NFIC: variants seen among roughly 807,000 people sequenced by gnomAD.
The protein encoded by NFIC is nuclear factor I C, also known as nuclear factor 1 C-type.
NFIC carries 12 observed loss-of-function variants against 54.4 expected under a neutral mutation model. The observed-to-expected ratio is 0.22, with a 90% CI of 0.14 to 0.36. The LOEUF (loss-of-function observed/expected upper bound fraction) is 0.36. NFIC is among the 10% of genes least tolerant of loss of function. The probability of loss-of-function intolerance (pLI) is 1.00; values close to 1 mark genes in which losing one functional copy is unlikely to be tolerated. For missense variants in NFIC, 575 were observed against 718.2 expected (o/e 0.80, Z 2.28); for synonymous variants, 322 against 319.2 (o/e 1.01, Z -0.09).
At chr19:3,385,143 C>T (rs2081274044) in intron 2 of NFIC, among the ~76,000 whole-genome samples, 1 of 150,456 alleles carries the variant, frequency 6.6e-6, no homozygotes, top group Non-Finnish European at 1.5e-5. Flanking sequence ...CAAGGGAATC[C>T]CTGCTTCAAT....
chr19:3,425,248 C>A, intron 3 of NFIC, 71 bp downstream of exon 3: 3 of 1,497,330 alleles, frequency 2.0e-6, no homozygotes, highest in South Asian at 1.2e-5. Flanking sequence ...ATTTGGGAAT[C>A]ATTTGCTTGG....
Position 3,439,708 on chromosome 19 carries a change from T to G in NFIC, c.958+4501T>G, listed in dbSNP as rs1211265120. On this transcript the variant is annotated intron_variant, in intron 6 of 10. Coordinates refer to ENST00000443272, the MANE Select transcript of NFIC (RefSeq NM_001245002.2). ...GGAAGAATTTTTTTTTTTTTTTTTT[T>G]GTCAGAGTCTTGCTCTGTCGCCCAG... Among the ~76,000 whole-genome samples, 3 of 142,644 alleles carry G rather than the reference T, an allele frequency of 2.1e-5. No individual in the cohort carries two copies. The South Asian group carries it at 6.6e-4, about 31-fold the overall frequency. The allele number at this position is 142,644 out of a possible 152,430, so 93.6% of individuals were successfully genotyped here.
intron 1 of NFIC, among the ~76,000 whole-genome samples, chr19:3,378,154 G>A (rs962299017): frequency 5.3e-5 from 8 of 151,814 alleles, no homozygotes; most frequent in African/African-American, 7.3e-5. Flanking sequence ...CCAGCTACTC[G>A]GGAGGCTGAG....
chr19:3,395,045 C>G (rs556627096), intron 2 of NFIC, among the ~76,000 whole-genome samples: 1 of 152,152 alleles, frequency 6.6e-6, no homozygotes, highest in South Asian at 2.1e-4. Context: ...AGGTTCTAGA[C>G]CTTCCAAACT....
intron 1 of NFIC, among the ~76,000 whole-genome samples, chr19:3,376,982 G>C (rs959276221): frequency 2.0e-5 from 3 of 151,016 alleles, no homozygotes; most frequent in African/African-American, 7.3e-5. Context: ...CACCCACCTC[G>C]GCCTCCCAAA....
chr19:3,429,726 C>T (rs1296580684), intron 3 of NFIC, among the ~76,000 whole-genome samples: 5 of 152,208 alleles, frequency 3.3e-5, no homozygotes, highest in Non-Finnish European at 7.3e-5. Flanking sequence ...ACCCAAAAGC[C>T]AAGAGCCTGT....
upstream of NFIC, among the ~76,000 whole-genome samples, chr19:3,366,288 C>G (rs986880665): frequency 2.7e-5 from 4 of 148,230 alleles, no homozygotes; most frequent in Non-Finnish European, 5.9e-5. Flanking sequence ...CTTTCTCGCT[C>G]GCGCCCTTTT....
In NFIC at chr19:3,454,011, G is replaced by A. The variant is rs76190152; in HGVS notation, c.1423+95G>A. The A allele has an allele frequency of 0.011, 16,169 of 1,407,666 alleles. 1,455 individuals carry two copies. In the African/African-American group the frequency reaches 0.2, roughly 18 times the overall value. 87.2% of individuals were successfully genotyped at this position (1,407,666 alleles called of 1,614,324 possible). On this transcript the variant is annotated intron_variant, in intron 9 of 10. Coordinates refer to ENST00000443272, the MANE Select transcript of NFIC (RefSeq NM_001245002.2). ...CACTGCCAGGTCAGAGGTCAGGCCC[G>A]ACCCTGCAGGGCCTGGCGAGTTTGG...
chr19:3,424,102 G>A (rs2081992091), intron 2 of NFIC, among the ~76,000 whole-genome samples: 2 of 151,434 alleles, frequency 1.3e-5, no homozygotes, highest in South Asian at 4.2e-4. Flanking sequence ...ATCTCCACTT[G>A]CTGCAACCTC....
intron 6 of NFIC, among the ~76,000 whole-genome samples, chr19:3,448,444 GC>G (rs1210788977): frequency 1.3e-5 from 2 of 152,174 alleles, no homozygotes; most frequent in African/African-American, 4.8e-5. Flanking sequence ...GGCTGTGGGG[GC>G]TTTTGTCCCA....
rs2082677786 is a variant in NFIC at position 3,463,846 on chromosome 19, T to G, written c.*1077T>G. 8.1e-6 allele frequency: 8 copies of G among 983,934 alleles called. No individual in the cohort carries two copies. The highest frequency in any genetic ancestry group is 8.4e-6 in the Non-Finnish European group (7 of 829,504). The allele number at this position is 983,934 out of a possible 1,614,324, so 61.0% of individuals were successfully genotyped here. A position where few individuals can be genotyped will look rare whatever the true frequency, so the allele number is the denominator to read the frequency against. On this transcript the variant is annotated 3_prime_UTR_variant, in exon 11 of 11. Coordinates refer to ENST00000443272, the MANE Select transcript of NFIC (RefSeq NM_001245002.2). ...AGAGCGAGTGGTTTAAGTGCCTGAT[T>G]ACCACCACCCGCCCCCCCCTTTGTC...
At chr19:3,387,800 G>C (rs2081320946) in intron 2 of NFIC, among the ~76,000 whole-genome samples, 1 of 152,036 alleles carries the variant, frequency 6.6e-6, no homozygotes, top group African/African-American at 2.4e-5. Flanking sequence ...AGGGTGACCA[G>C]CCGGGGGTGG....
chr19:3,404,475 C>A (rs1246976432), intron 2 of NFIC, among the ~76,000 whole-genome samples: 1 of 152,118 alleles, frequency 6.6e-6, no homozygotes, highest in African/African-American at 2.4e-5. Flanking sequence ...TTGGCAAGGC[C>A]GCCCTGCTGT....
intron 4 of NFIC, 110 bp downstream of exon 4, chr19:3,433,702 T>C (rs897325435): frequency 5.9e-6 from 7 of 1,184,932 alleles, no homozygotes; most frequent in Non-Finnish European, 7.2e-6. Context: ...GACAACCCCC[T>C]GTGTCACTAA....
At chr19:3,383,490 C>T (rs145987894) in intron 2 of NFIC, among the ~76,000 whole-genome samples, 22 of 152,314 alleles carry the variant, frequency 1.4e-4, no homozygotes, top group African/African-American at 4.6e-4. Flanking sequence ...GGCTGCGTGG[C>T]CCTCTTGGAC....
At chr19:3,433,123 C>T (rs1373384233) in intron 3 of NFIC, among the ~76,000 whole-genome samples, 1 of 152,150 alleles carries the variant, frequency 6.6e-6, no homozygotes, top group Non-Finnish European at 1.5e-5. Context: ...GACCACAACA[C>T]CTGGCTAATT....
At chr19:3,435,410 C>T (rs1321372528) in intron 6 of NFIC, among the ~76,000 whole-genome samples, 2 of 152,228 alleles carry the variant, frequency 1.3e-5, no homozygotes, top group South Asian at 2.1e-4. Flanking sequence ...TCTTTGGTTC[C>T]GCTGCGGCGA....
intron 2 of NFIC, among the ~76,000 whole-genome samples, chr19:3,396,594 A>G (rs12610949): frequency 0.22 from 33,696 of 151,998 alleles, 4,275 homozygotes; most frequent in East Asian, 0.4. Flanking sequence ...GAACAGAGCT[A>G]TGTGAGAACT....
At chr19:3,365,826 C>T (rs537392824), upstream of NFIC, among the ~76,000 whole-genome samples, 38 of 151,536 alleles carry the variant, frequency 2.5e-4, no homozygotes, top group African/African-American at 9.1e-4. Flanking sequence ...AATTCTGGAG[C>T]CTCCCGTGTT....
Sources: gnomAD v4.1 joint callset for allele counts (sites outside exome capture counted in the v4.1 genomes callset) on GRCh38, gnomAD v4.1.1 for gene constraint, MANE v1.5 for transcripts, NCBI Gene and HGNC (gene_info 2026-07-23, HGNC 2026-07-21) for gene names.